RBMS3: variants seen among roughly 807,000 people sequenced by gnomAD.
RBMS3 encodes RNA binding motif single stranded interacting protein 3, also known as RNA-binding motif, single-stranded-interacting protein 3.
In RBMS3, 27 loss-of-function variants were observed where a neutral mutation model predicts 66.8. The ratio of observed to expected loss-of-function variants is 0.40; its 90% CI spans 0.30 to 0.56. RBMS3 has a LOEUF of 0.56. RBMS3 is among the 20% of genes least tolerant of loss of function. The pLI, the probability that RBMS3 is intolerant of heterozygous loss-of-function variation, is 0.40. For missense variants in RBMS3, 513 were observed against 549.5 expected, an observed-to-expected ratio of 0.93 and a Z score of 0.66; for synonymous variants, 188 against 183.0, an observed-to-expected ratio of 1.03 and a Z score of -0.22.
At chr3:29,325,598 G>GTGTGTGTATATATATGTGTGTATATA (rs2035282342) in intron 1 of RBMS3, among the ~76,000 whole-genome samples, 1 of 138,164 alleles carries the variant, frequency 7.2e-6, no homozygotes, top group African/African-American at 2.8e-5. Context: ...ATATATATAC[G>GTGTGTGTATATATATGTGTGTATATA]TGTGTGTATA....
intron 2 of RBMS3, among the ~76,000 whole-genome samples, chr3:29,450,895 A>G (rs916407645): frequency 1.6e-5 from 2 of 127,896 alleles, no homozygotes; most frequent in Non-Finnish European, 3.2e-5. Flanking sequence ...CTACCTCAAC[A>G]CACAGATACA....
At chr3:29,810,912 A>C (rs1271585714) in intron 6 of RBMS3, among the ~76,000 whole-genome samples, 1 of 152,208 alleles carries the variant, frequency 6.6e-6, no homozygotes, top group African/African-American at 2.4e-5. Flanking sequence ...CTCCTAGTAG[A>C]GAAGCCTATT....
At chr3:29,597,512 C>T (rs970293629) in intron 4 of RBMS3, among the ~76,000 whole-genome samples, 2 of 152,138 alleles carry the variant, frequency 1.3e-5, no homozygotes, top group African/African-American at 4.8e-5. Context: ...ATCCTCTTTT[C>T]CCACCGTGTC....
At chr3:29,468,495 CT>C (rs1443273683) in intron 2 of RBMS3, among the ~76,000 whole-genome samples, 43 of 152,234 alleles carry the variant, frequency 2.8e-4, no homozygotes, top group African/African-American at 1.0e-3. Flanking sequence ...AATACCGTAA[CT>C]TTGTAGGACT....
intron 6 of RBMS3, among the ~76,000 whole-genome samples, chr3:29,825,670 A>G (rs2058193594): frequency 6.6e-6 from 1 of 152,160 alleles, no homozygotes; most frequent in African/African-American, 2.4e-5. Flanking sequence ...ACTGTGAGTC[A>G]ATTAAACCTC....
At chr3:29,731,307 G>T (rs1289971893) in intron 4 of RBMS3, among the ~76,000 whole-genome samples, 1 of 152,186 alleles carries the variant, frequency 6.6e-6, no homozygotes, top group African/African-American at 2.4e-5. Flanking sequence ...ATTTCTTGGG[G>T]ACATTGTTCT....
chr3:29,430,937 C>A (rs114789442), intron 1 of RBMS3, among the ~76,000 whole-genome samples: 1 of 152,080 alleles, frequency 6.6e-6, no homozygotes, highest in African/African-American at 2.4e-5. Flanking sequence ...TCTCATCTGA[C>A]CCATTATGAG....
intron 1 of RBMS3, among the ~76,000 whole-genome samples, chr3:29,343,508 C>G (rs1340719358): frequency 6.6e-6 from 1 of 151,862 alleles, no homozygotes; most frequent in Non-Finnish European, 1.5e-5. Flanking sequence ...TATAGTTTCC[C>G]TTAAATAGAC....
chr3:29,579,922 C>A (rs1258771643), intron 3 of RBMS3, among the ~76,000 whole-genome samples: 3 of 152,106 alleles, frequency 2.0e-5, no homozygotes, highest in Non-Finnish European at 4.4e-5. Flanking sequence ...GATTCTGATA[C>A]TCATTTTGAC....
At chr3:29,326,545 G>A (rs2035346019) in intron 1 of RBMS3, among the ~76,000 whole-genome samples, 1 of 152,090 alleles carries the variant, frequency 6.6e-6, no homozygotes, top group African/African-American at 2.4e-5. Context: ...CTAGTCATTA[G>A]GACCTATTCC....
At chr3:29,653,671 C>T (rs1191943188) in intron 4 of RBMS3, among the ~76,000 whole-genome samples, 1 of 152,006 alleles carries the variant, frequency 6.6e-6, no homozygotes, top group Non-Finnish European at 1.5e-5. Context: ...ATGGTTTTGG[C>T]CCATAAAAGT....
chr3:29,580,049 C>T (rs2047270033), intron 3 of RBMS3, among the ~76,000 whole-genome samples: 1 of 152,140 alleles, frequency 6.6e-6, no homozygotes, highest in South Asian at 2.1e-4. Flanking sequence ...TTTTGTGTAA[C>T]ATAAATGGAA....
Position 29,548,161 on chromosome 3 carries a change from C to T in RBMS3, c.308-38953C>T, listed in dbSNP as rs552853937. Among the ~76,000 whole-genome samples, 18 of 152,038 alleles carry T rather than the reference C, an allele frequency of 1.2e-4. No homozygotes were observed. In the East Asian group the frequency reaches 2.9e-3, roughly 25 times the overall value. On this transcript the variant is annotated intron_variant, in intron 3 of 14. Transcript: ENST00000383767. ...AAAGTTAATGAAGGTGACCAGGCAC[C>T]GTGGCCTGTAGTCCCAGAGCTTGGG...
intron 4 of RBMS3, among the ~76,000 whole-genome samples, chr3:29,652,176 G>A (rs1457457872): frequency 6.6e-6 from 1 of 152,032 alleles, no homozygotes; most frequent in Non-Finnish European, 1.5e-5. Context: ...CAAAGTTTTT[G>A]TAAACCTGTG....
chr3:29,937,170 G>T (rs1036294470), intron 11 of RBMS3, among the ~76,000 whole-genome samples: 1 of 151,980 alleles, frequency 6.6e-6, no homozygotes. Flanking sequence ...TGTAGTTTCT[G>T]TCAATTTTTG....
At chr3:29,394,625 C>T (rs971458790) in intron 1 of RBMS3, among the ~76,000 whole-genome samples, 2 of 152,254 alleles carry the variant, frequency 1.3e-5, no homozygotes, top group African/African-American at 2.4e-5. Context: ...AACTAATAAA[C>T]GTCCATGAAA....
At chr3:29,992,486 C>T (rs1276282111) in intron 14 of RBMS3, among the ~76,000 whole-genome samples, 2 of 151,470 alleles carry the variant, frequency 1.3e-5, no homozygotes, top group African/African-American at 2.4e-5. Context: ...ACTCTGGGGT[C>T]GGGGTGGGGG....
rs994274777 is a variant in RBMS3, at chr3:29,996,360, G to A, written c.1307+5151G>A. ...CACTGTCAACATTAGACAGATCAAC[G>A]AGACAGAAAGTCAACAAGGATACCC... On this transcript the variant is annotated intron_variant, in intron 14 of 14. Transcript: ENST00000383767. Among the ~76,000 whole-genome samples the A allele has an allele frequency of 5.4e-5, 8 of 148,436 alleles. No individual in the cohort carries two copies. The South Asian group carries it at 6.5e-4, about 12-fold the overall frequency.
intron 4 of RBMS3, among the ~76,000 whole-genome samples, chr3:29,603,182 T>G (rs1442399362): frequency 6.6e-6 from 1 of 151,996 alleles, no homozygotes; most frequent in African/African-American, 2.4e-5. Context: ...TAATACTTGT[T>G]GAATGAAATA....
Sources: allele counts gnomAD v4.1 joint callset (sites outside exome capture counted in the v4.1 genomes callset), GRCh38; gene constraint gnomAD v4.1.1; transcripts MANE v1.5; gene names NCBI Gene and HGNC (gene_info 2026-07-23, HGNC 2026-07-21).